The following CDYL variants were observed in gnomAD, a reference collection of about 807,000 sequenced individuals.
The protein encoded by CDYL is chromodomain Y like.
In CDYL, 8 loss-of-function variants were observed where a neutral mutation model predicts 47.3. The observed-to-expected ratio is 0.17, with a 90% CI of 0.10 to 0.31. CDYL has a LOEUF of 0.31. CDYL is among the 10% of genes least tolerant of loss of function. The pLI, the probability that CDYL is intolerant of heterozygous loss-of-function variation, is 1.00. For synonymous variants in CDYL, 266 were observed against 265.0 expected (o/e 1.00, Z -0.04); for missense variants, 471 against 701.4 (o/e 0.67, Z 3.71).
chr6:4,773,727 G>C (rs79767672), upstream of CDYL, among the ~76,000 whole-genome samples: 4,818 of 152,258 alleles, frequency 0.032, 258 homozygotes, highest in African/African-American at 0.11. The surrounding 1 kb of genome is among the most constrained non-coding windows in gnomAD (Gnocchi z 4.6). Context: ...GAAGCCAACT[G>C]TCAGAGTGGA....
chr6:4,945,602 G>T (rs1758488924), intron 5 of CDYL, among the ~76,000 whole-genome samples: 1 of 152,232 alleles, frequency 6.6e-6, no homozygotes, highest in Non-Finnish European at 1.5e-5. Flanking sequence ...ATCAGGAGAG[G>T]AACAAGCAGC....
intron 2 of CDYL, among the ~76,000 whole-genome samples, chr6:4,925,606 C>T (rs367592828): frequency 1.9e-4 from 29 of 151,858 alleles, no homozygotes; most frequent in East Asian, 1.7e-3. Flanking sequence ...TTAGTAGAGG[C>T]GGGGTTTCAC....
intron 1 of CDYL, among the ~76,000 whole-genome samples, chr6:4,785,736 T>C (rs1014182027): frequency 1.3e-5 from 2 of 152,244 alleles, no homozygotes; most frequent in East Asian, 3.8e-4. Flanking sequence ...TCTTGGAGAC[T>C]GTTGACATTT....
chr6:4,867,666 ACT>A (rs1305857139), intron 1 of CDYL, among the ~76,000 whole-genome samples: 1 of 151,538 alleles, frequency 6.6e-6, no homozygotes, highest in Non-Finnish European at 1.5e-5. Context: ...CTTGGGATAA[ACT>A]CTGCCTGGTC....
intron 2 of CDYL, among the ~76,000 whole-genome samples, chr6:4,933,200 C>A (rs543129110): frequency 6.6e-4 from 100 of 152,350 alleles, no homozygotes; most frequent in African/African-American, 2.3e-3. Context: ...CCTGGGAGCT[C>A]ATACTGTCAG....
At chr6:4,736,511 C>A (rs1757706505) in intron 3 of CDYL, among the ~76,000 whole-genome samples, 1 of 152,192 alleles carries the variant, frequency 6.6e-6, no homozygotes, top group Admixed American at 6.5e-5. Flanking sequence ...GGAATCCTCC[C>A]ACAGCCTTCC....
chr6:4,815,656 G>T (rs7762268), intron 1 of CDYL, among the ~76,000 whole-genome samples: 3,936 of 137,196 alleles, frequency 0.029, 191 homozygotes, highest in African/African-American at 0.099. Flanking sequence ...TGTGATTGTT[G>T]TAATAGTGAG....
At chr6:4,721,822 A>G (rs1757375651) in intron 2 of CDYL, among the ~76,000 whole-genome samples, 1 of 152,050 alleles carries the variant, frequency 6.6e-6, no homozygotes, top group Non-Finnish European at 1.5e-5. Context: ...TTACCTGAAT[A>G]GTTTCAGACA....
upstream of CDYL, chr6:4,773,264 A>C: frequency 4.4e-6 from 2 of 455,660 alleles, no homozygotes; most frequent in South Asian, 3.1e-5. The surrounding 1 kb of genome is among the most constrained non-coding windows in gnomAD (Gnocchi z 4.6). Flanking sequence ...TAATCTTTTA[A>C]GAGTCATATG....
chr6:4,807,692 C>A lies in CDYL; in HGVS notation c.24+30885C>A, dbSNP rs190339144. Among the ~76,000 whole-genome samples, 47 of 145,752 alleles carry A rather than the reference C, an allele frequency of 3.2e-4. 1 individual carries two copies. Among genetic ancestry groups the A allele is most frequent in the Admixed American group, 1.7e-3 (24 of 14,240 alleles). On this transcript the variant is annotated intron_variant, in intron 1 of 6. Transcript: ENST00000397588. ...GAATGTGGCTCACTGCAGCCTCTAC[C>A]TCCTGGGCTCAGGCAATCCTCCTGC...
chr6:4,725,374 G>A (rs950871695), intron 2 of CDYL, among the ~76,000 whole-genome samples: 3 of 152,246 alleles, frequency 2.0e-5, no homozygotes, highest in Non-Finnish European at 4.4e-5. Context: ...GCGCCGTGGA[G>A]CAGGGGGCGG....
chr6:4,707,993 T>C (rs1300834320), intron 1 of CDYL, among the ~76,000 whole-genome samples: 1 of 152,198 alleles, frequency 6.6e-6, no homozygotes, highest in Non-Finnish European at 1.5e-5. Flanking sequence ...TTAAAAAATA[T>C]TAATTCTGTG....
intron 2 of CDYL, chr6:4,928,833 ATTT>A (rs567087458): frequency 6.6e-6 from 1 of 152,080 alleles, no homozygotes; most frequent in African/African-American, 2.4e-5. Flanking sequence ...AAGAATAGCC[ATTT>A]TTTTAAGATA....
At chr6:4,829,470 T>C (rs1444963132) in intron 1 of CDYL, among the ~76,000 whole-genome samples, 1 of 152,188 alleles carries the variant, frequency 6.6e-6, no homozygotes, top group African/African-American at 2.4e-5. Flanking sequence ...CAGGTTTGCA[T>C]TGAGCCAGGT....
At chr6:4,802,410 G>A (rs976571116) in intron 1 of CDYL, among the ~76,000 whole-genome samples, 2 of 152,136 alleles carry the variant, frequency 1.3e-5, no homozygotes, top group African/African-American at 2.4e-5. Flanking sequence ...TGTGATGGCA[G>A]TGTGTGTAGT....
Position 4,718,342 on chromosome 6 carries a change from G to A in CDYL, c.103+2461G>A, listed in dbSNP as rs547183636. 7.9e-5 allele frequency among the ~76,000 whole-genome samples: 12 copies of A among 152,094 alleles called. No individual in the cohort carries two copies. The South Asian group carries it at 2.3e-3, about 29-fold the overall frequency. On this transcript the variant is annotated intron_variant, in intron 2 of 8. Transcript: ENST00000328908. ...TGCCCAAGCTGGAATGCAGTGGCAC[G>A]ATCTCAGCTCACTGCAACCTCTGCC... is the stretch of plus-strand genomic sequence containing the variant.
chr6:4,933,061 C>T lies in CDYL; in HGVS notation c.692-2454C>T, dbSNP rs61077346. ...GACACATCCTCACTGCTGTGGCCTG[C>T]TCTCCTTCCTTTGAGGAAACCAGTT... is the stretch of plus-strand genomic sequence containing the variant. On this transcript the variant is annotated intron_variant, in intron 2 of 6. Transcript: ENST00000397588. 1.5e-3 allele frequency among the ~76,000 whole-genome samples: 227 copies of T among 152,302 alleles called. 3 individuals carry two copies. The highest frequency in any genetic ancestry group is 5.1e-3 in the African/African-American group (213 of 41,568).
rs377511230 is a variant in CDYL, at chr6:4,769,071, G to A, written c.186+34227G>A. ...AGAAACTGCCATAGCCAAGAGAAGC[G>A]TAAGGAGACAGGAGAACTATTAATA... On this transcript the variant is annotated intron_variant, in intron 3 of 8. Coordinates refer to the CDYL transcript ENST00000328908. Among the ~76,000 whole-genome samples the A allele has an allele frequency of 1.4e-4, 21 of 152,270 alleles. No individual in the cohort carries two copies. The East Asian group carries it at 1.5e-3, about 11-fold the overall frequency.
chr6:4,918,820 C>T lies in CDYL; in HGVS notation c.692-16695C>T, dbSNP rs533007759. Among the ~76,000 whole-genome samples, 22 of 152,268 alleles carry T rather than the reference C, an allele frequency of 1.4e-4. 1 individual carries two copies. The South Asian group carries it at 3.1e-3, about 22-fold the overall frequency. ...AAGAACTGAGTAAGGATGAACACTTCGATTTCCTTTGGGTTACTAAAGACT... is the reference window on the plus strand; with the variant it reads ...AAGAACTGAGTAAGGATGAACACTTTGATTTCCTTTGGGTTACTAAAGACT... On this transcript the variant is annotated intron_variant, in intron 2 of 6. Transcript: ENST00000397588.
Sources: allele counts gnomAD v4.1 joint callset (sites outside exome capture counted in the v4.1 genomes callset), GRCh38; gene constraint gnomAD v4.1.1; non-coding constraint Gnocchi (gnomAD v3.1); transcripts MANE v1.5; gene names NCBI Gene and HGNC (gene_info 2026-07-23, HGNC 2026-07-21).